Variants in PRH1 observed in about 807,000 individuals in gnomAD.
PRH1 encodes proline rich protein HaeIII subfamily 1, also known as salivary acidic proline-rich phosphoprotein 1/2.
A neutral mutation model predicts 7.9 loss-of-function variants in PRH1; 7 were observed. The ratio of observed to expected loss-of-function variants is 0.89; its 90% CI spans 0.50 to 1.67. PRH1 has a LOEUF of 1.67. Among genes scored for constraint, PRH1 ranks in the 40% most tolerant of loss-of-function variants. PRH1 has a pLI of 0.00. For missense variants in PRH1, 109 were observed against 223.6 expected (o/e 0.49, Z 3.27); for synonymous variants, 45 against 80.8 (o/e 0.56, Z 2.38).
chr12:11,113,910 G>T (rs1304446604), intron 1 of PRH1, among the ~76,000 whole-genome samples: 1 of 152,114 alleles, frequency 6.6e-6, no homozygotes, highest in Non-Finnish European at 1.5e-5. Context: ...AAAGAAAGAA[G>T]CTCATCATCA....
intron 2 of PRH1, among the ~76,000 whole-genome samples, chr12:10,924,675 C>T (rs1217011342): frequency 1.3e-5 from 2 of 152,184 alleles, no homozygotes; most frequent in Non-Finnish European, 2.9e-5. Flanking sequence ...GCCTCAATTT[C>T]AGAGCCTGTT....
At chr12:10,908,862 A>C (rs183634674) in intron 2 of PRH1, 1 of 1,613,178 alleles carries the variant, frequency 6.2e-7, no homozygotes. Flanking sequence ...GTTTATTTGT[A>C]TCAGATTTAA....
upstream of PRH1, chr12:10,884,334 C>T (rs190022776): frequency 3.8e-4 from 485 of 1,268,436 alleles, 1 homozygote; most frequent in East Asian, 0.011. Flanking sequence ...TGGGCCTCCT[C>T]GCCTCAGAGA....
chr12:11,143,172 A>T (rs1946756375), intron 1 of PRH1, among the ~76,000 whole-genome samples: 1 of 152,212 alleles, frequency 6.6e-6, no homozygotes, highest in Non-Finnish European at 1.5e-5. Context: ...ATGATATATA[A>T]ATAGTGACAC....
At chr12:10,904,028 C>A (rs572677223) in intron 2 of PRH1, among the ~76,000 whole-genome samples, 1 of 144,656 alleles carries the variant, frequency 6.9e-6, no homozygotes, top group African/African-American at 2.5e-5. Context: ...ATAGATGACA[C>A]AAACAAATGG....
chr12:11,060,761 G>A (rs1183914691), intron 1 of PRH1, among the ~76,000 whole-genome samples: 2 of 151,304 alleles, frequency 1.3e-5, no homozygotes, highest in African/African-American at 4.9e-5. Flanking sequence ...AAATTTTATT[G>A]TGTGCATTGT....
At chr12:10,965,077 G>A in intron 2 of PRH1, 1 of 1,190,166 alleles carries the variant, frequency 8.4e-7, no homozygotes, top group Non-Finnish European at 1.2e-6. Flanking sequence ...TGCTGAAATG[G>A]TTGGTTACAG....
At chr12:11,025,347 T>C (rs577254804) in intron 1 of PRH1, among the ~76,000 whole-genome samples, 1 of 152,404 alleles carries the variant, frequency 6.6e-6, no homozygotes, top group East Asian at 1.9e-4. Flanking sequence ...CTACTACTCT[T>C]TGGAAACACA....
chr12:11,088,560 T>C lies in PRH1; in HGVS notation n.124-41372A>G, dbSNP rs1193262388. 4.5e-5 allele frequency among the ~76,000 whole-genome samples: 5 copies of C among 111,036 alleles called. 1 individual carries two copies. The highest frequency in any genetic ancestry group is 1.5e-4 in the African/African-American group (5 of 32,730). The allele number at this position is 111,036 out of a possible 152,430, so 72.8% of individuals were successfully genotyped here. ...TTGAAACAATCTTTTTTACAGTATA[T>C]GGCATGTTGCTCTCTCTATAAATTT... On this transcript the variant is annotated intron_variant and non_coding_transcript_variant, in intron 1 of 4. Coordinates refer to the PRH1 transcript ENST00000541977.
At chr12:11,066,714 G>C (rs1053886672) in intron 1 of PRH1, among the ~76,000 whole-genome samples, 1 of 151,510 alleles carries the variant, frequency 6.6e-6, no homozygotes, top group South Asian at 2.1e-4. Flanking sequence ...TTTCCATCTT[G>C]TTTTTTAAGT....
upstream of PRH1, among the ~76,000 whole-genome samples, chr12:11,047,405 AT>A (rs1375393465): frequency 1.3e-5 from 2 of 149,556 alleles, no homozygotes; most frequent in African/African-American, 2.5e-5. Flanking sequence ...GAATAATTGA[AT>A]TTTTTTGAGA....
At chr12:10,892,179 C>T (rs564960747) in intron 2 of PRH1, among the ~76,000 whole-genome samples, 18 of 152,280 alleles carry the variant, frequency 1.2e-4, no homozygotes, top group Admixed American at 1.0e-3. Flanking sequence ...CTTCTGTTTG[C>T]TCATCAAACA....
intron 2 of PRH1, among the ~76,000 whole-genome samples, chr12:10,901,490 C>A (rs1431691547): frequency 6.6e-6 from 1 of 152,106 alleles, no homozygotes; most frequent in Non-Finnish European, 1.5e-5. Context: ...TATAGGTGGA[C>A]CTGCCTTGTC....
Position 11,127,106 on chromosome 12 carries a change from G to A in PRH1, n.40-5926C>T, listed in dbSNP as rs116013003. Among the ~76,000 whole-genome samples, 1,183 of 152,304 alleles carry A rather than the reference G, an allele frequency of 7.8e-3. 23 individuals are homozygous for A. Among genetic ancestry groups the A allele is most frequent in the African/African-American group, 0.027 (1,135 of 41,548 alleles). ...GGCTAATGTCAAACAGGAAAGCACC[G>A]GGGAATGCTATTGAATGAGTTCAAG... On this transcript the variant is annotated intron_variant and non_coding_transcript_variant, in intron 1 of 1. Transcript: ENST00000541175.
Position 11,126,184 on chromosome 12 carries a change from T to G in PRH1, n.40-5004A>C, listed in dbSNP as rs554711607. On this transcript the variant is annotated intron_variant and non_coding_transcript_variant, in intron 1 of 1. Transcript: ENST00000541175. Reference sequence around the variant, plus strand: ...TAGAATTTACCAGCAATCCAGACACTCCCCATATACACCTTCTTGTTGATA... The same window carrying G: ...TAGAATTTACCAGCAATCCAGACACGCCCCATATACACCTTCTTGTTGATA... Among the ~76,000 whole-genome samples the G allele has an allele frequency of 1.1e-3, 174 of 152,406 alleles. 1 individual carries two copies. Among genetic ancestry groups the G allele is most frequent in the Non-Finnish European group, 9.6e-4 (65 of 68,040 alleles).
intron 1 of PRH1, among the ~76,000 whole-genome samples, chr12:11,110,625 G>A (rs1945562466): frequency 2.6e-5 from 4 of 152,156 alleles, no homozygotes; most frequent in Admixed American, 2.6e-4. Flanking sequence ...TTACCACCAG[G>A]CCTGCCTCAC....
intron 1 of PRH1, among the ~76,000 whole-genome samples, chr12:11,046,822 A>G (rs576791036): frequency 2.1e-4 from 32 of 152,284 alleles, no homozygotes; most frequent in African/African-American, 7.5e-4. Flanking sequence ...TTTCATGTAG[A>G]ATACATTGAC....
At chr12:11,007,118 T>C (rs971804255) in intron 1 of PRH1, among the ~76,000 whole-genome samples, 1 of 152,112 alleles carries the variant, frequency 6.6e-6, no homozygotes, top group Non-Finnish European at 1.5e-5. Context: ...TGGTCATACC[T>C]AGGATCGTAT....
intron 1 of PRH1, among the ~76,000 whole-genome samples, chr12:11,060,203 T>C (rs1023053656): frequency 2.0e-5 from 3 of 152,144 alleles, no homozygotes; most frequent in African/African-American, 4.8e-5. Flanking sequence ...CATCTCATAA[T>C]AGAACTTCCT....
Sources: allele counts gnomAD v4.1 joint callset (sites outside exome capture counted in the v4.1 genomes callset), GRCh38; gene constraint gnomAD v4.1.1; transcripts MANE v1.5; gene names NCBI Gene and HGNC (gene_info 2026-07-23, HGNC 2026-07-21).